Variants in RBM33 observed in about 807,000 individuals in gnomAD.
RBM33 encodes RNA-binding protein 33.
RBM33 carries 28 observed loss-of-function variants against 132.6 expected under a neutral mutation model. That is an observed-to-expected ratio of 0.21 (90% CI 0.16 to 0.29). The LOEUF (loss-of-function observed/expected upper bound fraction) is 0.29, where lower values mean the gene tolerates loss of function less well. RBM33 is among the 10% of genes least tolerant of loss of function. The probability of loss-of-function intolerance (pLI) is 1.00; values close to 1 mark genes in which losing one functional copy is unlikely to be tolerated. For missense variants in RBM33, 1,291 were observed against 1,518.5 expected (o/e 0.85, Z 2.49); for synonymous variants, 634 against 593.0 (o/e 1.07, Z -1.01).
chr7:155,715,437 G>A (rs1800433958), intron 8 of RBM33, among the ~76,000 whole-genome samples: 1 of 152,158 alleles, frequency 6.6e-6, no homozygotes, highest in South Asian at 2.1e-4. Flanking sequence ...CTGTCAGGAA[G>A]CCCCAAGATA....
intron 2 of RBM33, among the ~76,000 whole-genome samples, chr7:155,669,628 C>T (rs534554890): frequency 1.4e-4 from 21 of 152,274 alleles, no homozygotes; most frequent in South Asian, 4.1e-4. Flanking sequence ...GTTGAGATTA[C>T]GGTGTGAATC....
chr7:155,702,412 C>A (rs1187380224), intron 6 of RBM33, among the ~76,000 whole-genome samples: 1 of 152,122 alleles, frequency 6.6e-6, no homozygotes, highest in African/African-American at 2.4e-5. Flanking sequence ...CAAGATTTCC[C>A]TAGACTTTTT....
intron 5 of RBM33, among the ~76,000 whole-genome samples, chr7:155,699,886 T>A (rs561006509): frequency 1.2e-3 from 176 of 152,350 alleles, no homozygotes; most frequent in African/African-American, 4.1e-3. Flanking sequence ...ATCATGAGAC[T>A]AAAGGAGCAA....
At chr7:155,698,946 A>G (rs539417594) in intron 5 of RBM33, among the ~76,000 whole-genome samples, 1 of 152,352 alleles carries the variant, frequency 6.6e-6, no homozygotes, top group South Asian at 2.1e-4. Flanking sequence ...GTGATCCTGA[A>G]TAGAATAAAC....
chr7:155,757,205 A>G (rs1283113521), intron 14 of RBM33, among the ~76,000 whole-genome samples: 5 of 152,194 alleles, frequency 3.3e-5, no homozygotes, highest in Non-Finnish European at 5.9e-5. Context: ...GAAGTTGTTC[A>G]CCTGATCCAA....
At chr7:155,726,690 C>T (rs554135005) in intron 9 of RBM33, among the ~76,000 whole-genome samples, 29 of 152,102 alleles carry the variant, frequency 1.9e-4, no homozygotes, top group Non-Finnish European at 1.0e-4. Context: ...TACCCTTATT[C>T]CCATGAAATG....
chr7:155,680,746 A>C lies in RBM33; in HGVS notation c.405A>C (p.Ser135=), dbSNP rs1373915617. Residue 135 remains serine, a synonymous_variant, in exon 5 of 18, where the codon TCA becomes TCC. Coordinates refer to ENST00000401878, the MANE Select transcript of RBM33 (RefSeq NM_053043.3). ...TGGTTTATCACAAATCTGATGGATC[A>C]GAATTGTATACTCAAGAGTACCCAG... ...DELVYHKSDG[S]ELYTQEYPEE... The C allele has an allele frequency of 2.5e-6, 4 of 1,613,584 alleles. No homozygotes were observed. The highest frequency in any genetic ancestry group is 3.4e-6 in the Non-Finnish European group (4 of 1,179,750).
chr7:155,772,022 C>T (rs1454736565), intron 16 of RBM33, among the ~76,000 whole-genome samples: 2 of 152,120 alleles, frequency 1.3e-5, no homozygotes, highest in Non-Finnish European at 2.9e-5. Flanking sequence ...ATGAAATTTT[C>T]CTTATCCATT....
At chr7:155,709,509 A>G (rs1377348460) in intron 7 of RBM33, among the ~76,000 whole-genome samples, 3 of 151,718 alleles carry the variant, frequency 2.0e-5, no homozygotes, top group Non-Finnish European at 4.4e-5. Context: ...TTCCAGCTCC[A>G]TTTTCTCCAT....
In RBM33 at chr7:155,763,802, GT is replaced by G. The variant is rs545287857; in HGVS notation, c.2980-7del. ...CACTGAACAACGTGCTGCCTTCTTG[GT>G]TTCAGCAGGGAGGAGAGAGCGATGG... is the stretch of plus-strand genomic sequence containing the variant. On this transcript the variant is annotated splice_polypyrimidine_tract_variant and intron_variant, in intron 14 of 17. Transcript: ENST00000401878. 183 of 1,605,122 alleles carry G rather than the reference GT, an allele frequency of 1.1e-4. 1 individual carries two copies. In the African/African-American group the frequency reaches 2.3e-3, roughly 20 times the overall value.
At chr7:155,694,461 T>C (rs1799736580) in intron 5 of RBM33, among the ~76,000 whole-genome samples, 1 of 152,354 alleles carries the variant, frequency 6.6e-6, no homozygotes. Context: ...GAAATGGTGA[T>C]AATGTTTACA....
At chr7:155,742,274 T>G (rs1563171355) in intron 13 of RBM33, among the ~76,000 whole-genome samples, 168 bp downstream of exon 13, 1 of 147,332 alleles carries the variant, frequency 6.8e-6, no homozygotes, top group Non-Finnish European at 1.5e-5. Context: ...AAAAAAACAC[T>G]TGTATTCTCA....
intron 12 of RBM33, among the ~76,000 whole-genome samples, chr7:155,740,574 G>C (rs1801298791): frequency 6.6e-6 from 1 of 152,256 alleles, no homozygotes. Context: ...ACATTTATTT[G>C]TGGGGTTGTG....
intron 14 of RBM33, chr7:155,746,591 A>G (rs1295338776): frequency 1.3e-5 from 2 of 152,256 alleles, no homozygotes; most frequent in Non-Finnish European, 2.9e-5. Flanking sequence ...TTTCCATTGC[A>G]GAAGATTCTT....
chr7:155,698,370 GAA>G (rs11336870), intron 5 of RBM33, among the ~76,000 whole-genome samples: 2 of 150,810 alleles, frequency 1.3e-5, no homozygotes, highest in African/African-American at 2.4e-5. Flanking sequence ...CCATCTCAGG[GAA>G]AAAAAAAAAT....
chr7:155,712,666 G>A (rs1223800736), intron 8 of RBM33, among the ~76,000 whole-genome samples: 1 of 152,218 alleles, frequency 6.6e-6, no homozygotes. Flanking sequence ...TGCAGGCAGA[G>A]TGATCAGCAA....
chr7:155,675,461 T>G (rs7802190), intron 3 of RBM33, among the ~76,000 whole-genome samples: 3,762 of 152,184 alleles, frequency 0.025, 140 homozygotes, highest in African/African-American at 0.085. Context: ...CCCTAGTCAC[T>G]CCTGTGTACA....
intron 9 of RBM33, among the ~76,000 whole-genome samples, chr7:155,721,672 T>A (rs1015175100): frequency 9.2e-5 from 14 of 152,194 alleles, no homozygotes; most frequent in South Asian, 2.1e-4. Flanking sequence ...CTAGTTTTTT[T>A]AATTAAAAAT....
chr7:155,712,903 A>G (rs1002534112), intron 8 of RBM33, among the ~76,000 whole-genome samples: 1 of 152,194 alleles, frequency 6.6e-6, no homozygotes, highest in Non-Finnish European at 1.5e-5. Flanking sequence ...TGTATGTTTT[A>G]GAAGATTCCT....
Sources: gnomAD v4.1 joint callset for allele counts (sites outside exome capture counted in the v4.1 genomes callset) on GRCh38, gnomAD v4.1.1 for gene constraint, MANE v1.5 for transcripts, NCBI Gene and HGNC (gene_info 2026-07-23, HGNC 2026-07-21) for gene names.